The following PTPRR variants were observed in gnomAD, a reference collection of about 807,000 sequenced individuals.
The protein encoded by PTPRR is receptor-type tyrosine-protein phosphatase R.
Under a neutral mutation model 77.2 loss-of-function variants are expected in PTPRR, and 38 were observed. The ratio of observed to expected loss-of-function variants is 0.49; its 90% CI spans 0.38 to 0.65. PTPRR has a LOEUF of 0.65. Among genes scored for constraint, PTPRR ranks in the 30% least tolerant of loss-of-function variants. The probability of loss-of-function intolerance (pLI) is 0.00; values close to 1 mark genes in which losing one functional copy is unlikely to be tolerated. For synonymous variants in PTPRR, 299 were observed against 283.1 expected (o/e 1.06, Z -0.57); for missense variants, 744 against 799.2 (o/e 0.93, Z 0.83).
At chr12:70,832,723 G>A (rs530190505) in intron 2 of PTPRR, among the ~76,000 whole-genome samples, 1 of 152,276 alleles carries the variant, frequency 6.6e-6, no homozygotes, top group East Asian at 1.9e-4. Flanking sequence ...ATTTTGTGTG[G>A]CCACAAAGGA....
chr12:70,914,706 C>A (rs1180350650), intron 1 of PTPRR, among the ~76,000 whole-genome samples: 1 of 151,926 alleles, frequency 6.6e-6, no homozygotes. Flanking sequence ...ACCTGTAATC[C>A]CAGCACTCTC....
At chr12:70,657,860 A>G (rs538493333) in intron 12 of PTPRR, among the ~76,000 whole-genome samples, 29 of 152,132 alleles carry the variant, frequency 1.9e-4, no homozygotes, top group Non-Finnish European at 3.7e-4. Context: ...TTTCCTTTCT[A>G]TAGACTGTAA....
intron 6 of PTPRR, among the ~76,000 whole-genome samples, chr12:70,728,778 A>T (rs1490322987): frequency 1.3e-5 from 2 of 151,808 alleles, no homozygotes; most frequent in Admixed American, 6.6e-5. Flanking sequence ...CTTTATCTCC[A>T]TTCCTTGTCC....
intron 6 of PTPRR, among the ~76,000 whole-genome samples, chr12:70,720,463 C>T (rs1373068818): frequency 1.3e-5 from 2 of 151,590 alleles, no homozygotes; most frequent in Admixed American, 6.6e-5. Flanking sequence ...AAGTCTTTTC[C>T]AGTTTTTTCC....
intron 10 of PTPRR, among the ~76,000 whole-genome samples, chr12:70,666,935 GTTTTTTTTTTTTTTTTTTT>G (rs142691396): frequency 0.013 from 387 of 29,016 alleles, no homozygotes; most frequent in African/African-American, 0.038. Context: ...GTGTTTTTCT[GTTTTTTTTTTTTTTTTTTT>G]TTTTTTTTTT....
intron 8 of PTPRR, among the ~76,000 whole-genome samples, chr12:70,694,446 C>T (rs1304425264): frequency 3.9e-5 from 6 of 152,122 alleles, no homozygotes; most frequent in Admixed American, 3.3e-4. Flanking sequence ...ATGTGGTACA[C>T]ATACACCATG....
chr12:70,816,918 T>A (rs1310430245), intron 2 of PTPRR, among the ~76,000 whole-genome samples: 3 of 152,190 alleles, frequency 2.0e-5, no homozygotes, highest in Non-Finnish European at 2.9e-5. Flanking sequence ...TAGTATTTTA[T>A]CAGCCTCAGC....
intron 12 of PTPRR, among the ~76,000 whole-genome samples, chr12:70,657,589 C>T (rs1019279696): frequency 1.3e-5 from 2 of 152,170 alleles, no homozygotes; most frequent in South Asian, 4.1e-4. Context: ...ATCTAGACTC[C>T]CTAAATTTCC....
At chr12:70,866,389 G>C (rs1224466340) in intron 2 of PTPRR, among the ~76,000 whole-genome samples, 3 of 151,548 alleles carry the variant, frequency 2.0e-5, no homozygotes, top group Non-Finnish European at 4.4e-5. Flanking sequence ...TACCATCAGA[G>C]AATACTACAA....
intron 2 of PTPRR, among the ~76,000 whole-genome samples, chr12:70,877,952 T>TC (rs1256644033): frequency 2.6e-5 from 4 of 152,100 alleles, no homozygotes; most frequent in African/African-American, 9.7e-5. Flanking sequence ...GCTGCATATC[T>TC]ACAACTATCT....
rs1204307143 is a variant in PTPRR at position 70,726,447 on chromosome 12, G to A, written c.1007+19371C>T. Among the ~76,000 whole-genome samples the A allele has an allele frequency of 4.6e-5, 7 of 152,122 alleles. No individual in the cohort carries two copies. In the South Asian group the frequency reaches 1.2e-3, roughly 27 times the overall value. On this transcript the variant is annotated intron_variant, in intron 6 of 13. Transcript: ENST00000283228. ...CCATGGTTTTCCTTTCTGTAAAATG[G>A]GGAAAATAATGATAGGGTAGTTTTG...
At chr12:70,885,726 G>A (rs1451573127) in intron 2 of PTPRR, among the ~76,000 whole-genome samples, 1 of 76,200 alleles carries the variant, frequency 1.3e-5, no homozygotes, top group Non-Finnish European at 2.3e-5. Context: ...AGTAGAGATG[G>A]GGTTTCACCG....
intron 8 of PTPRR, among the ~76,000 whole-genome samples, chr12:70,694,453 C>A (rs1394966338): frequency 6.6e-6 from 1 of 152,122 alleles, no homozygotes; most frequent in Non-Finnish European, 1.5e-5. Context: ...ACACATACAC[C>A]ATGGAACACC....
chr12:70,790,319 T>A (rs1317340623), intron 2 of PTPRR, among the ~76,000 whole-genome samples: 1 of 152,186 alleles, frequency 6.6e-6, no homozygotes, highest in East Asian at 1.9e-4. Flanking sequence ...CAATGTTCAA[T>A]CCTTAATATT....
chr12:70,689,627 AAGG>A (rs1263445756), intron 8 of PTPRR, among the ~76,000 whole-genome samples: 1 of 152,134 alleles, frequency 6.6e-6, no homozygotes, highest in Non-Finnish European at 1.5e-5. Context: ...AATAACAAAC[AAGG>A]AGGAGAAGCC....
At chr12:70,745,405 T>C (rs1051371570) in intron 6 of PTPRR, among the ~76,000 whole-genome samples, 1 of 152,260 alleles carries the variant, frequency 6.6e-6, no homozygotes, top group Non-Finnish European at 1.5e-5. Flanking sequence ...AATTAATCTG[T>C]GGCATCAACT....
At chr12:70,751,674 A>AT (rs1268741284) in intron 5 of PTPRR, among the ~76,000 whole-genome samples, 2 of 150,346 alleles carry the variant, frequency 1.3e-5, no homozygotes, top group South Asian at 2.1e-4. Context: ...TCAACATTTG[A>AT]TTTTTTAAAT....
chr12:70,752,483 T>C (rs1402429207), intron 5 of PTPRR, among the ~76,000 whole-genome samples: 1 of 152,188 alleles, frequency 6.6e-6, no homozygotes, highest in Non-Finnish European at 1.5e-5. Context: ...TAGGCATTTA[T>C]CTAGTTACAT....
At chr12:70,647,208 A>T (rs1341216226) in intron 13 of PTPRR, among the ~76,000 whole-genome samples, 6 of 152,212 alleles carry the variant, frequency 3.9e-5, no homozygotes, top group Non-Finnish European at 7.4e-5. Context: ...AGGCCTTGGA[A>T]TAAGATATTA....
Sources: gnomAD v4.1 joint callset for allele counts (sites outside exome capture counted in the v4.1 genomes callset) on GRCh38, gnomAD v4.1.1 for gene constraint, MANE v1.5 for transcripts, NCBI Gene and HGNC (gene_info 2026-07-23, HGNC 2026-07-21) for gene names.